GRID2: variants seen among roughly 807,000 people sequenced by gnomAD.
The protein encoded by GRID2 is glutamate ionotropic receptor delta type subunit 2, also known as glutamate receptor ionotropic, delta-2.
A neutral mutation model predicts 114.8 loss-of-function variants in GRID2; 33 were observed. The observed-to-expected ratio is 0.29, with a 90% CI of 0.22 to 0.38. The LOEUF (loss-of-function observed/expected upper bound fraction) is 0.38, where lower values mean the gene tolerates loss of function less well. GRID2 is among the 10% of genes least tolerant of loss of function. The pLI is 1.00. For synonymous variants in GRID2, 505 were observed against 449.9 expected (o/e 1.12, Z -1.55); for missense variants, 1,184 against 1,257.7 (o/e 0.94, Z 0.89).
intron 13 of GRID2, among the ~76,000 whole-genome samples, chr4:93,612,325 G>T (rs377423994): frequency 1.8e-4 from 27 of 150,982 alleles, no homozygotes; most frequent in Non-Finnish European, 2.7e-4. Flanking sequence ...AAAGTTAATA[G>T]TGTTATGTGT....
chr4:93,243,326 T>C (rs1354635394), intron 8 of GRID2, among the ~76,000 whole-genome samples: 2 of 152,088 alleles, frequency 1.3e-5, no homozygotes, highest in East Asian at 1.9e-4. Context: ...TTAACCCATA[T>C]AATAATGCTT....
chr4:92,411,655 G>GTGTATATATATATATA, intron 1 of GRID2, among the ~76,000 whole-genome samples: 31 of 84,686 alleles, frequency 3.7e-4, no homozygotes, highest in Non-Finnish European at 4.4e-4. Context: ...GTGTGTGTGT[G>GTGTATATATATATATA]TATATATATA....
chr4:92,666,650 G>GTTGTTTTTTTT (rs1732792716), intron 2 of GRID2, among the ~76,000 whole-genome samples: 3 of 68,600 alleles, frequency 4.4e-5, no homozygotes, highest in African/African-American at 1.0e-4. Flanking sequence ...CTTAAGGGTT[G>GTTGTTTTTTTT]TTTTTTTTTT....
intron 2 of GRID2, among the ~76,000 whole-genome samples, chr4:93,065,725 TA>T (rs548732053): frequency 1.5e-3 from 227 of 152,034 alleles, no homozygotes; most frequent in Non-Finnish European, 2.5e-3. Context: ...AGGTAGCTGG[TA>T]GTCATTTGTT....
intron 2 of GRID2, among the ~76,000 whole-genome samples, chr4:92,843,196 T>C (rs534264976): frequency 1.3e-5 from 2 of 151,982 alleles, no homozygotes; most frequent in East Asian, 3.9e-4. Flanking sequence ...AAGCTGTGAT[T>C]GCACCACTGC....
rs999807164 is a variant in GRID2 at position 92,949,152 on chromosome 4, CTG to C, written c.245-135830_245-135829del. 1.6e-4 allele frequency among the ~76,000 whole-genome samples: 24 copies of C among 147,484 alleles called. No homozygotes were observed. In the East Asian group the frequency reaches 4.4e-3, roughly 27 times the overall value. ...AGAAAATGTGTGTGTGTGTGTGTGT[CTG>C]TGTGTGTGTGTGAGAGAGAGAGAGA... On this transcript the variant is annotated intron_variant, in intron 2 of 15. Transcript: ENST00000282020.
intron 13 of GRID2, among the ~76,000 whole-genome samples, chr4:93,562,874 T>C (rs1735055436): frequency 1.3e-5 from 2 of 152,070 alleles, no homozygotes. Flanking sequence ...GGCTCTCTAT[T>C]CTGTTCTATT....
intron 10 of GRID2, among the ~76,000 whole-genome samples, chr4:93,430,723 T>C (rs771455748): frequency 6.6e-6 from 1 of 152,224 alleles, no homozygotes; most frequent in Non-Finnish European, 1.5e-5. Flanking sequence ...TAGACACTTA[T>C]AATACAATGC....
At chr4:93,497,436 A>G (rs764676663) in intron 12 of GRID2, among the ~76,000 whole-genome samples, 5 of 151,828 alleles carry the variant, frequency 3.3e-5, no homozygotes, top group Non-Finnish European at 7.4e-5. Context: ...GCACTCTTCA[A>G]TAAGTCCAAG....
intron 2 of GRID2, among the ~76,000 whole-genome samples, chr4:92,704,831 C>T (rs1021902479): frequency 1.4e-5 from 2 of 142,400 alleles, no homozygotes; most frequent in Non-Finnish European, 3.1e-5. Context: ...CCTTCTTTCT[C>T]CCCACCTCTT....
intron 8 of GRID2, among the ~76,000 whole-genome samples, chr4:93,353,044 A>G (rs1323476114): frequency 6.6e-6 from 1 of 152,072 alleles, no homozygotes; most frequent in African/African-American, 2.4e-5. Context: ...TGAGATTCAA[A>G]AAGAAGGAGA....
chr4:92,498,855 A>G (rs914096615), intron 1 of GRID2, among the ~76,000 whole-genome samples: 6 of 151,180 alleles, frequency 4.0e-5, no homozygotes, highest in Admixed American at 4.0e-4. Context: ...TAGTGTAGGT[A>G]GTATGAATCA....
chr4:93,190,820 T>G (rs1740909449), intron 4 of GRID2, among the ~76,000 whole-genome samples: 1 of 152,074 alleles, frequency 6.6e-6, no homozygotes, highest in African/African-American at 2.4e-5. Flanking sequence ...GACATAATTC[T>G]TTTCATTAGA....
chr4:92,502,232 A>G (rs1486057248), intron 1 of GRID2, among the ~76,000 whole-genome samples: 2 of 152,248 alleles, frequency 1.3e-5, no homozygotes, highest in Admixed American at 6.5e-5. Flanking sequence ...TATAAGTTCA[A>G]TTAATGTTAG....
At chr4:93,070,257 G>A (rs1040215327) in intron 2 of GRID2, among the ~76,000 whole-genome samples, 1 of 152,030 alleles carries the variant, frequency 6.6e-6, no homozygotes, top group Non-Finnish European at 1.5e-5. Flanking sequence ...ATTGCTGCTA[G>A]CAGGGGCCAA....
rs1014238714 is a variant in GRID2, at chr4:93,108,942, C to T, written c.530-1806C>T. ...CCACACTGGGCCTCTGACATGTATT[C>T]TAAAGGTATATTGGTTCTGGGGTGA... On this transcript the variant is annotated intron_variant, in intron 3 of 15. Transcript: ENST00000282020. Among the ~76,000 whole-genome samples the T allele has an allele frequency of 2.0e-5, 3 of 152,142 alleles. No homozygotes were observed. In the South Asian group the frequency reaches 6.2e-4, roughly 32 times the overall value.
chr4:92,720,172 AT>A (rs1016824083), intron 2 of GRID2, among the ~76,000 whole-genome samples: 4 of 151,702 alleles, frequency 2.6e-5, no homozygotes, highest in South Asian at 2.1e-4. Context: ...AATTTTCAGC[AT>A]TTTTTTTAAG....
In GRID2 at chr4:92,361,473, A is replaced by T. The variant is rs951682869; in HGVS notation, c.88+56729A>T. Among the ~76,000 whole-genome samples, 6 of 151,994 alleles carry T rather than the reference A, an allele frequency of 3.9e-5. No individual in the cohort carries two copies. In the South Asian group the frequency reaches 1.2e-3, roughly 31 times the overall value. On this transcript the variant is annotated intron_variant, in intron 1 of 15. Transcript: ENST00000282020. ...AAGCCTTTATATAATTGAAACAGTAAAAATCTCAAGGATGATTTTCACAAC... is the reference window on the plus strand; with the variant it reads ...AAGCCTTTATATAATTGAAACAGTATAAATCTCAAGGATGATTTTCACAAC...
intron 2 of GRID2, among the ~76,000 whole-genome samples, chr4:93,045,264 T>A (rs530707574): frequency 2.6e-5 from 4 of 152,152 alleles, no homozygotes; most frequent in African/African-American, 9.6e-5. Context: ...CCTTGGTCTA[T>A]GTTCCCTCTT....
Sources: gnomAD v4.1 joint callset for allele counts (sites outside exome capture counted in the v4.1 genomes callset) on GRCh38, gnomAD v4.1.1 for gene constraint, MANE v1.5 for transcripts, NCBI Gene and HGNC (gene_info 2026-07-23, HGNC 2026-07-21) for gene names.